The following EHBP1 variants were observed in gnomAD, a reference collection of about 807,000 sequenced individuals.
EHBP1 encodes the protein EH domain-binding protein 1.
Under a neutral mutation model 144.0 loss-of-function variants are expected in EHBP1, and 55 were observed. The observed-to-expected ratio is 0.38, with a 90% confidence interval of 0.31 to 0.48. The LOEUF is 0.48. Among genes scored for constraint, EHBP1 ranks in the 20% least tolerant of loss-of-function variants. The pLI, the probability that EHBP1 is intolerant of heterozygous loss-of-function variation, is 0.98. For missense variants in EHBP1, 1,200 were observed against 1,364.2 expected, an observed-to-expected ratio of 0.88 and a Z score of 1.90; for synonymous variants, 469 against 472.7, an observed-to-expected ratio of 0.99 and a Z score of 0.10.
At chr2:62,932,947 A>C (rs1280272050) in intron 10 of EHBP1, among the ~76,000 whole-genome samples, 1 of 144,834 alleles carries the variant, frequency 6.9e-6, no homozygotes, top group African/African-American at 2.6e-5. Flanking sequence ...GTGAGACTCC[A>C]TCTCAAAAAA....
At chr2:63,020,248 T>C (rs1277081895) in intron 19 of EHBP1, among the ~76,000 whole-genome samples, 2 of 138,516 alleles carry the variant, frequency 1.4e-5, no homozygotes. Context: ...CACTTGAACC[T>C]GGGTGGTGGA....
chr2:62,702,982 C>T (rs1488624473), upstream of EHBP1, among the ~76,000 whole-genome samples: 1 of 152,040 alleles, frequency 6.6e-6, no homozygotes, highest in Non-Finnish European at 1.5e-5. Context: ...CGAACATGTT[C>T]CTGAAAGTCT....
intron 4 of EHBP1, among the ~76,000 whole-genome samples, chr2:62,770,109 G>A (rs1280166445): frequency 2.0e-5 from 3 of 152,180 alleles, no homozygotes; most frequent in Non-Finnish European, 2.9e-5. Context: ...ATAGGAACTG[G>A]CAAAGATTTC....
At chr2:62,993,398 G>A (rs1220561531) in intron 16 of EHBP1, 132 bp from the exon 17 acceptor site, 1 of 740,370 alleles carries the variant, frequency 1.4e-6, no homozygotes, top group Non-Finnish European at 2.0e-6. Flanking sequence ...TCTTTAAAGT[G>A]CTTTAAAATC....
In EHBP1 at chr2:62,993,870, G is replaced by T; in HGVS notation, c.2873-1G>T. 1.3e-6 allele frequency: 2 copies of T among 1,517,478 alleles called. No individual in the cohort carries two copies. The highest frequency in any genetic ancestry group is 1.3e-5 in the South Asian group (1 of 74,302). The allele number at this position is 1,517,478 out of a possible 1,614,324, so 94.0% of individuals were successfully genotyped here. A position where few individuals can be genotyped will look rare whatever the true frequency, so the allele number is the denominator to read the frequency against. On this transcript the variant is annotated splice_acceptor_variant, in intron 17 of 22. Transcript: ENST00000431489. LOFTEE classifies it high-confidence loss of function. The stretch of plus-strand genomic sequence containing the variant: ...CATGTCTTTCCTCTTTTTTTTTTAA[G>T]AGATGAAAAGGCAGAGATCAATACA...
intron 10 of EHBP1, among the ~76,000 whole-genome samples, chr2:62,936,610 C>G (rs1343881507): frequency 2.6e-5 from 4 of 151,988 alleles, no homozygotes; most frequent in African/African-American, 9.7e-5. Context: ...GAGAGTTTCA[C>G]TTACTCTCTA....
intron 19 of EHBP1, among the ~76,000 whole-genome samples, chr2:63,016,751 A>G (rs191327082): frequency 6.6e-6 from 1 of 152,058 alleles, no homozygotes; most frequent in Non-Finnish European, 1.5e-5. Context: ...TTTTAATTCA[A>G]TATGCAGAAG....
Position 62,832,539 on chromosome 2 carries a change from G to A in EHBP1, c.634+1381G>A, listed in dbSNP as rs182143783. Among the ~76,000 whole-genome samples, 187 of 149,570 alleles carry A rather than the reference G, an allele frequency of 1.3e-3. 2 individuals are homozygous for A. Among genetic ancestry groups the A allele is most frequent in the African/African-American group, 4.3e-3 (175 of 40,570 alleles). On this transcript the variant is annotated intron_variant, in intron 7 of 22. Coordinates refer to ENST00000431489, the MANE Select transcript of EHBP1 (RefSeq NM_001142616.3). Reference sequence around the variant, plus strand: ...TTAGTCTATCAGTCTTACCAACAGCGTGTGCTCACTTCGTTTCTCTGTGTC... The same window carrying A: ...TTAGTCTATCAGTCTTACCAACAGCATGTGCTCACTTCGTTTCTCTGTGTC...
At chr2:62,878,891 G>A (rs1392388583) in intron 10 of EHBP1, among the ~76,000 whole-genome samples, 4 of 151,636 alleles carry the variant, frequency 2.6e-5, no homozygotes, top group South Asian at 2.1e-4. Context: ...GGTGGTGGGC[G>A]CCTGTAGTCC....
At chr2:62,949,220 T>A in intron 13 of EHBP1, 58 bp downstream of exon 13, 1 of 1,418,838 alleles carries the variant, frequency 7.0e-7, no homozygotes, top group Non-Finnish European at 9.5e-7. Context: ...TCTGTTTTTG[T>A]TTCTTTTTGC....
intron 10 of EHBP1, among the ~76,000 whole-genome samples, chr2:62,922,422 G>A (rs2710642): frequency 0.71 from 108,346 of 152,036 alleles, 39,346 homozygotes; most frequent in African/African-American, 0.87. Context: ...GTGAAAACAC[G>A]TGATCTAATA....
chr2:63,038,460 C>A (rs1437031324), intron 20 of EHBP1, among the ~76,000 whole-genome samples: 6 of 151,816 alleles, frequency 4.0e-5, no homozygotes, highest in Non-Finnish European at 5.9e-5. Context: ...TAGAAAATAG[C>A]CTTATACTTG....
intron 19 of EHBP1, among the ~76,000 whole-genome samples, chr2:63,007,418 A>G (rs17598689): frequency 0.092 from 13,903 of 151,852 alleles, 800 homozygotes; most frequent in Non-Finnish European, 0.13. Context: ...TGTGGCATGC[A>G]TAGATAGATA....
intron 10 of EHBP1, among the ~76,000 whole-genome samples, chr2:62,922,089 C>T (rs1344092181): frequency 1.3e-5 from 2 of 152,090 alleles, no homozygotes; most frequent in African/African-American, 4.8e-5. Context: ...GCAGGAGAAT[C>T]GCTTGCACCT....
intron 2 of EHBP1, among the ~76,000 whole-genome samples, chr2:62,732,975 G>T (rs1217672503): frequency 2.6e-5 from 4 of 151,994 alleles, no homozygotes; most frequent in Non-Finnish European, 5.9e-5. Flanking sequence ...GATTTCTTGC[G>T]TTTCCTTTTG....
intron 3 of EHBP1, among the ~76,000 whole-genome samples, chr2:62,761,630 A>G (rs2040775749): frequency 6.6e-6 from 1 of 152,152 alleles, no homozygotes; most frequent in Admixed American, 6.5e-5. Context: ...CCTGACTTGC[A>G]TCTGCACTCA....
chr2:62,997,735 GCATTTATATGGGA>G (rs2059698496), intron 19 of EHBP1, among the ~76,000 whole-genome samples: 1 of 152,054 alleles, frequency 6.6e-6, no homozygotes, highest in Admixed American at 6.6e-5. Flanking sequence ...CCAAAAATAA[GCATTTATATGGGA>G]CATTTGAAAA....
intron 5 of EHBP1, among the ~76,000 whole-genome samples, chr2:62,777,535 G>T (rs2042129530): frequency 6.6e-6 from 1 of 151,786 alleles, no homozygotes; most frequent in South Asian, 2.1e-4. Flanking sequence ...GTGAAATTGG[G>T]ATCATCTTAT....
chr2:62,891,092 C>T (rs2052421651), intron 10 of EHBP1, among the ~76,000 whole-genome samples: 1 of 151,126 alleles, frequency 6.6e-6, no homozygotes, highest in Non-Finnish European at 1.5e-5. Flanking sequence ...GCAGGAGAAT[C>T]ACTTGACCCG....
Sources: allele counts gnomAD v4.1 joint callset (sites outside exome capture counted in the v4.1 genomes callset), GRCh38; gene constraint gnomAD v4.1.1; transcripts MANE v1.5; gene names NCBI Gene and HGNC (gene_info 2026-07-23, HGNC 2026-07-21).